ZC3HAV1L: variants seen among roughly 807,000 people sequenced by gnomAD.
ZC3HAV1L encodes the protein zinc finger CCCH-type antiviral protein 1-like.
In ZC3HAV1L, 23 loss-of-function variants were observed where a neutral mutation model predicts 28.2. The observed-to-expected ratio is 0.82, with a 90% CI of 0.59 to 1.16. The LOEUF is 1.16. ZC3HAV1L is among the 50% of genes most tolerant of loss of function. ZC3HAV1L has a pLI of 0.00. For missense variants in ZC3HAV1L, 376 were observed against 387.7 expected (o/e 0.97, Z 0.25); for synonymous variants, 180 against 163.4 (o/e 1.10, Z -0.78).
At chr7:139,033,648 T>C (rs1469606604) in intron 2 of ZC3HAV1L, 1 of 887,816 alleles carries the variant, frequency 1.1e-6, no homozygotes, top group East Asian at 1.2e-4. Context: ...TAGTCTAATA[T>C]GACAAGGTGA....
chr7:139,027,338 A>G (rs1663233674), intron 3 of ZC3HAV1L, among the ~76,000 whole-genome samples: 1 of 152,218 alleles, frequency 6.6e-6, no homozygotes, highest in African/African-American at 2.4e-5. Context: ...AACTGAATGC[A>G]TTAGAATTAA....
At chr7:139,028,527 G>A (rs980762927) in intron 3 of ZC3HAV1L, among the ~76,000 whole-genome samples, 175 bp downstream of exon 3, 6 of 152,088 alleles carry the variant, frequency 3.9e-5, no homozygotes, top group Non-Finnish European at 5.9e-5. Context: ...TAGGATCACC[G>A]TTCTATACAA....
In ZC3HAV1L at chr7:139,034,693, C is replaced by A; in HGVS notation, c.366-15G>T. On this transcript the variant is annotated splice_polypyrimidine_tract_variant and intron_variant, in intron 1 of 4. Transcript: ENST00000275766. ...TACAGGTAGACCTAAAAGAACAAAG[C>A]CCTCGGTCAGATGCCCAGGTGAAGA... is the stretch of plus-strand genomic sequence containing the variant. 1 of 1,613,146 alleles carries A rather than the reference C, an allele frequency of 6.2e-7. No homozygotes were observed. The highest frequency in any genetic ancestry group is 1.3e-5 in the African/African-American group (1 of 74,950).
At chr7:139,021,817 A>C (rs1302612047), downstream of ZC3HAV1L, among the ~76,000 whole-genome samples, 2 of 152,134 alleles carry the variant, frequency 1.3e-5, no homozygotes, top group Non-Finnish European at 2.9e-5. Flanking sequence ...AAAAAATATC[A>C]AAAAAACTTA....
At chr7:139,022,408 T>C (rs748964648), downstream of ZC3HAV1L, 27 of 436,026 alleles carry the variant, frequency 6.2e-5, no homozygotes, top group Admixed American at 6.5e-4. Flanking sequence ...TAGCTGAGTA[T>C]GGTGGCATGC....
intron 2 of ZC3HAV1L, among the ~76,000 whole-genome samples, chr7:139,030,301 C>G (rs950990748): frequency 6.6e-6 from 1 of 152,032 alleles, no homozygotes; most frequent in Non-Finnish European, 1.5e-5. Context: ...AAAAGTTAGC[C>G]AGGCATGATG....
intron 3 of ZC3HAV1L, among the ~76,000 whole-genome samples, chr7:139,027,906 T>C (rs1454025583): frequency 6.6e-6 from 1 of 152,230 alleles, no homozygotes; most frequent in East Asian, 1.9e-4. Context: ...CAAAATCATA[T>C]ACAATTTTCA....
At chr7:139,031,236 C>T (rs573747819) in intron 2 of ZC3HAV1L, among the ~76,000 whole-genome samples, 1 of 152,054 alleles carries the variant, frequency 6.6e-6, no homozygotes, top group East Asian at 1.9e-4. Flanking sequence ...TTGCTTGAGC[C>T]AAGGAGTTCA....
chr7:139,027,609 C>T (rs986181388), intron 3 of ZC3HAV1L, among the ~76,000 whole-genome samples: 4 of 152,148 alleles, frequency 2.6e-5, no homozygotes, highest in South Asian at 4.1e-4. Context: ...CCCAGGAGTT[C>T]GAGGCTGCAG....
At chr7:139,035,552 C>T in intron 1 of ZC3HAV1L, 101 bp downstream of exon 1, 1 of 1,326,732 alleles carries the variant, frequency 7.5e-7, no homozygotes, top group African/African-American at 1.5e-5. Context: ...GTCCCCGGCC[C>T]GGGGCAGGAC....
At position 139,034,713 on chromosome 7, in the gene ZC3HAV1L, T is replaced by C. The variant is rs369252190; in HGVS notation, c.366-35A>G. 132 of 1,611,954 alleles carry C rather than the reference T, an allele frequency of 8.2e-5. 3 individuals are homozygous for C. In the South Asian group the frequency reaches 1.3e-3, roughly 16 times the overall value. ...CAAAGCCCTCGGTCAGATGCCCAGG[T>C]GAAGAAGGACCAGTCTGTCCAATTC... is the stretch of plus-strand genomic sequence containing the variant. On this transcript the variant is annotated intron_variant, in intron 1 of 4. Transcript: ENST00000275766.
At chr7:139,034,080 T>G (rs1307770983) in intron 2 of ZC3HAV1L, 1 of 985,368 alleles carries the variant, frequency 1.0e-6, no homozygotes, top group East Asian at 1.1e-4. Context: ...CTCTGCCACC[T>G]GCACCAAAGG....
chr7:139,028,396 C>A (rs1330769820), intron 3 of ZC3HAV1L, among the ~76,000 whole-genome samples: 1 of 111,600 alleles, frequency 9.0e-6, no homozygotes. Context: ...AAAACAAAAC[C>A]TGTTCTACCT....
chr7:139,028,590 G>C, intron 3 of ZC3HAV1L, 112 bp downstream of exon 3: 1 of 1,361,468 alleles, frequency 7.3e-7, no homozygotes, highest in Non-Finnish European at 1.0e-6. Flanking sequence ...AATTAACATA[G>C]GAACTGCTTT....
At chr7:139,027,427 C>CT (rs1815387656) in intron 3 of ZC3HAV1L, among the ~76,000 whole-genome samples, 1 of 152,216 alleles carries the variant, frequency 6.6e-6, no homozygotes. Flanking sequence ...CATCCCAACA[C>CT]TTTGGGAGGC....
In ZC3HAV1L at chr7:139,026,778, G is replaced by A. The variant is rs199782988; in HGVS notation, c.816C>T (p.His272=). Residue 272 remains histidine (H), a synonymous_variant, in exon 4 of 5, where the codon CAC becomes CAT. Coordinates refer to ENST00000275766, the MANE Select transcript of ZC3HAV1L (RefSeq NM_080660.4). ...GACCAGCTTCTGCAGCTCCAGCTGC[G>A]TGCACTCCTTGCTTCTCAAGGCCTT... ...HSQGLEKQGV[H]AAGAAEAGPL... is the part of the protein sequence containing the mutation. The A allele has an allele frequency of 1.4e-4, 218 of 1,614,138 alleles. No individual in the cohort carries two copies. Among genetic ancestry groups the A allele is most frequent in the Non-Finnish European group, 1.6e-4 (185 of 1,180,032 alleles).
At chr7:139,030,896 G>C (rs1815512265) in intron 2 of ZC3HAV1L, among the ~76,000 whole-genome samples, 2 of 151,842 alleles carry the variant, frequency 1.3e-5, no homozygotes, top group African/African-American at 4.8e-5. Flanking sequence ...CAAAATTTGA[G>C]GGATACAGGA....
chr7:139,028,982 A>T, intron 2 of ZC3HAV1L, 22 bp from the exon 3 acceptor site: 1 of 1,588,540 alleles, frequency 6.3e-7, no homozygotes, highest in Admixed American at 1.8e-5. Context: ...ATGAGGGAAC[A>T]CCTGAAATAT....
chr7:139,035,662 C>G lies in ZC3HAV1L; in HGVS notation c.356G>C (p.Arg119Pro), dbSNP rs982037447. The change falls in exon 1 of 5, where the codon CGG becomes CCG. Residue 119 changes from arginine to proline, a missense_variant. By Grantham distance (103) the Arg-to-Pro change is moderately radical (BLOSUM62 -2). Transcript: ENST00000275766. Reference sequence around the variant, plus strand: ...GCCGCCGCCTTCTCACCAGCAGTCCCGGTTGGGGCACTTGCCCAGCATGTG... The same window carrying G: ...GCCGCCGCCTTCTCACCAGCAGTCCGGGTTGGGGCACTTGCCCAGCATGTG... ...RRHMLGKCPN[R>P]DCWSTCTLSH... is the part of the protein sequence containing the mutation. 1.4e-6 allele frequency: 2 copies of G among 1,452,818 alleles called. No individual in the cohort carries two copies. The highest frequency in any genetic ancestry group is 1.8e-6 in the Non-Finnish European group (2 of 1,111,716). 90.0% of individuals were successfully genotyped at this position (1,452,818 alleles called of 1,614,324 possible).
Sources: allele counts gnomAD v4.1 joint callset (sites outside exome capture counted in the v4.1 genomes callset), GRCh38; gene constraint gnomAD v4.1.1; transcripts MANE v1.5; gene names NCBI Gene and HGNC (gene_info 2026-07-23, HGNC 2026-07-21).